PTPN13: variants seen among roughly 807,000 people sequenced by gnomAD.
The protein encoded by PTPN13 is protein tyrosine phosphatase non-receptor type 13.
A neutral mutation model predicts 284.0 loss-of-function variants in PTPN13; 191 were observed. The observed-to-expected ratio is 0.67, with a 90% confidence interval of 0.60 to 0.76. PTPN13 has a LOEUF of 0.76. PTPN13 is among the 30% of genes least tolerant of loss of function. The pLI, the probability that PTPN13 is intolerant of heterozygous loss-of-function variation, is 0.00. For missense variants in PTPN13, 2,797 were observed against 2,939.9 expected, an observed-to-expected ratio of 0.95 and a Z score of 1.12; for synonymous variants, 986 against 1,022.3, an observed-to-expected ratio of 0.96 and a Z score of 0.68.
chr4:86,601,755 G>C (rs780284109), intron 1 of PTPN13, among the ~76,000 whole-genome samples: 5 of 152,072 alleles, frequency 3.3e-5, no homozygotes, highest in Non-Finnish European at 7.4e-5. Context: ...TCCACCGCGG[G>C]GATACTTAAG....
At chr4:86,686,877 G>A in intron 4 of PTPN13, 102 bp downstream of exon 4, 1 of 803,462 alleles carries the variant, frequency 1.2e-6, no homozygotes, top group East Asian at 2.9e-5. Flanking sequence ...ACAGCATGCT[G>A]TCAGGTGTAC....
intron 1 of PTPN13, among the ~76,000 whole-genome samples, chr4:86,609,183 T>C (rs1765049695): frequency 6.6e-6 from 1 of 152,196 alleles, no homozygotes; most frequent in African/African-American, 2.4e-5. Flanking sequence ...CATCTATTTT[T>C]TTCTTACGAG....
chr4:86,748,717 G>T (rs541423006), intron 17 of PTPN13, among the ~76,000 whole-genome samples: 1 of 151,826 alleles, frequency 6.6e-6, no homozygotes, highest in Non-Finnish European at 1.5e-5. Flanking sequence ...GTGCAGTGGC[G>T]CGATCTCAGC....
intron 1 of PTPN13, among the ~76,000 whole-genome samples, chr4:86,604,778 A>G (rs181559393): frequency 6.6e-6 from 1 of 152,134 alleles, no homozygotes; most frequent in East Asian, 1.9e-4. Flanking sequence ...CTACTGTAAC[A>G]TATTTGACCA....
intron 1 of PTPN13, among the ~76,000 whole-genome samples, chr4:86,598,646 A>G (rs1764035436): frequency 6.6e-6 from 1 of 152,196 alleles, no homozygotes. Context: ...ACTAGCCAAT[A>G]AATGTCTTTT....
At chr4:86,702,307 A>G (rs1416878407) in intron 7 of PTPN13, among the ~76,000 whole-genome samples, 30 of 152,222 alleles carry the variant, frequency 2.0e-4, no homozygotes, top group Admixed American at 2.0e-3. Context: ...GTAGAAGATT[A>G]TAATTTACTT....
At chr4:86,716,659 A>G in intron 8 of PTPN13, 34 bp downstream of exon 8, 8 of 1,287,588 alleles carry the variant, frequency 6.2e-6, no homozygotes, top group Non-Finnish European at 8.7e-6. Context: ...AACTGTTTTT[A>G]AGAAACCACG....
At chr4:86,795,638 C>T (rs1743251382) in intron 40 of PTPN13, among the ~76,000 whole-genome samples, 1 of 152,124 alleles carries the variant, frequency 6.6e-6, no homozygotes, top group South Asian at 2.1e-4. Context: ...TGAAACCAAC[C>T]CAAATGTCCA....
chr4:86,677,142 C>A (rs1005996830), intron 3 of PTPN13, among the ~76,000 whole-genome samples: 1 of 151,670 alleles, frequency 6.6e-6, no homozygotes, highest in Non-Finnish European at 1.5e-5. Flanking sequence ...TGGCGGGCAC[C>A]AGTAGTCCCA....
chr4:86,693,524 G>A (rs1001180680), intron 5 of PTPN13, 63 bp from the exon 6 acceptor site: 2 of 1,090,022 alleles, frequency 1.8e-6, no homozygotes, highest in African/African-American at 1.6e-5. Flanking sequence ...TCTGTAAACA[G>A]TTACCATGAA....
chr4:86,728,643 CTTTTTTTTTTTTTTTTTTTTTTTT>C (rs57773658), intron 10 of PTPN13, among the ~76,000 whole-genome samples: 2 of 24,500 alleles, frequency 8.2e-5, no homozygotes, highest in Non-Finnish European at 1.5e-4. Flanking sequence ...CAACCCCTGC[CTTTTTTTTTTTTTTTTTTTTTTTT>C]TTTTTTTTTT....
At chr4:86,665,571 G>T (rs1174694065) in intron 2 of PTPN13, among the ~76,000 whole-genome samples, 1 of 152,144 alleles carries the variant, frequency 6.6e-6, no homozygotes, top group Non-Finnish European at 1.5e-5. Flanking sequence ...TTGAGGATCT[G>T]TGCTAACTAG....
intron 1 of PTPN13, among the ~76,000 whole-genome samples, chr4:86,614,559 CA>C (rs1433637520): frequency 6.6e-6 from 1 of 151,870 alleles, no homozygotes; most frequent in Non-Finnish European, 1.5e-5. Flanking sequence ...CAATTCATGC[CA>C]AAAACCAGTT....
chr4:86,649,424 C>A lies in PTPN13; in HGVS notation c.115+14053C>A, dbSNP rs1185246950. Among the ~76,000 whole-genome samples the A allele has an allele frequency of 2.0e-5, 3 of 152,234 alleles. No individual in the cohort carries two copies. The East Asian group carries it at 5.8e-4, about 29-fold the overall frequency. On this transcript the variant is annotated intron_variant, in intron 2 of 47. Transcript: ENST00000411767. ...TTTGTATAAGGCAAGAGATAGGGGTCTATCTTCATTCTTCGACATATGGAT... is the reference window on the plus strand; with the variant it reads ...TTTGTATAAGGCAAGAGATAGGGGTATATCTTCATTCTTCGACATATGGAT...
chr4:86,700,088 C>G (rs1490398056), intron 6 of PTPN13, among the ~76,000 whole-genome samples: 1 of 152,072 alleles, frequency 6.6e-6, no homozygotes, highest in South Asian at 2.1e-4. Flanking sequence ...TATCCTTAAG[C>G]AATTATTTGC....
In PTPN13 at chr4:86,735,581, T is replaced by G. The variant is rs768555717; in HGVS notation, c.2152-13T>G. On this transcript the variant is annotated splice_polypyrimidine_tract_variant and intron_variant, in intron 14 of 47. Transcript: ENST00000411767. ...AGGCAAACAATTGCTTATGAAAACATTCTTTTATCTAGGTTCATGGTGTGT... is the reference window on the plus strand; with the variant it reads ...AGGCAAACAATTGCTTATGAAAACAGTCTTTTATCTAGGTTCATGGTGTGT... 2 of 1,601,554 alleles carry G rather than the reference T, an allele frequency of 1.2e-6. No individual in the cohort carries two copies. The highest frequency in any genetic ancestry group is 1.7e-6 in the Non-Finnish European group (2 of 1,177,094).
chr4:86,772,754 A>T (rs754045442), intron 31 of PTPN13, 24 bp from the exon 32 acceptor site: 20 of 1,559,704 alleles, frequency 1.3e-5, no homozygotes, highest in Admixed American at 1.0e-4. Flanking sequence ...ATTTAAAAAT[A>T]GTCTTACTTC....
intron 6 of PTPN13, among the ~76,000 whole-genome samples, chr4:86,694,403 A>C (rs961952213): frequency 4.0e-5 from 6 of 151,786 alleles, no homozygotes; most frequent in Admixed American, 3.9e-4. Context: ...CAACATAGTG[A>C]AATCCCATCT....
chr4:86,721,334 C>T (rs1188310027), intron 9 of PTPN13, among the ~76,000 whole-genome samples: 1 of 152,004 alleles, frequency 6.6e-6, no homozygotes, highest in Non-Finnish European at 1.5e-5. Flanking sequence ...ATTGACTTTA[C>T]AGGTAATCAT....
Sources: gnomAD v4.1 joint callset for allele counts (sites outside exome capture counted in the v4.1 genomes callset) on GRCh38, gnomAD v4.1.1 for gene constraint, MANE v1.5 for transcripts, NCBI Gene and HGNC (gene_info 2026-07-23, HGNC 2026-07-21) for gene names.